The following OR4K1 variants were observed in gnomAD, a reference collection of about 807,000 sequenced individuals.
OR4K1 encodes olfactory receptor family 4 subfamily K member 1.
In OR4K1, 16 loss-of-function variants were observed where a neutral mutation model predicts 14.4. That is an observed-to-expected ratio of 1.11 (90% CI 0.75 to 1.68). The LOEUF (loss-of-function observed/expected upper bound fraction) is 1.68. OR4K1 is among the 40% of genes most tolerant of loss of function. OR4K1 has a pLI of 0.00. For synonymous variants in OR4K1, 181 were observed against 133.1 expected (o/e 1.36, Z -2.48); for missense variants, 548 against 376.9 (o/e 1.45, Z -3.76).
chr14:19,928,841 A>G (rs1178979709), upstream of OR4K1, among the ~76,000 whole-genome samples: 2 of 152,062 alleles, frequency 1.3e-5, no homozygotes, highest in Non-Finnish European at 2.9e-5. Flanking sequence ...CTACTTATTG[A>G]TATTTCTTTA....
intron 1 of OR4K1, among the ~76,000 whole-genome samples, chr14:19,934,788 A>T (rs1882266913): frequency 6.6e-6 from 1 of 152,046 alleles, no homozygotes; most frequent in African/African-American, 2.4e-5. Context: ...CTCCTGCCTC[A>T]GCCTCCCAAG....
chr14:19,920,981 C>T, the OR4K1 span: 11 of 1,614,054 alleles, frequency 6.8e-6, no homozygotes, highest in Admixed American at 3.3e-5. Context: ...GGTATGTAGC[C>T]ATATGCAAAC....
upstream of OR4K1, among the ~76,000 whole-genome samples, chr14:19,929,851 C>T (rs2138588614): frequency 6.6e-6 from 1 of 152,328 alleles, no homozygotes; most frequent in African/African-American, 2.4e-5. Flanking sequence ...AGTCCCTTAA[C>T]TGTCTGTTTG....
At chr14:19,920,937 G>T in the OR4K1 span, 1 of 1,614,174 alleles carries the variant, frequency 6.2e-7, no homozygotes, top group Non-Finnish European at 8.5e-7. Context: ...TACTGGAGGG[G>T]AGATGGTGCT....
the OR4K1 span, among the ~76,000 whole-genome samples, chr14:19,924,399 T>TAAAAAAA: frequency 1.8e-4 from 1 of 5,502 alleles, no homozygotes; most frequent in Non-Finnish European, 3.0e-4. Flanking sequence ...AAACTCCGTA[T>TAAAAAAA]CAAAAAAAAA....
the OR4K1 span, among the ~76,000 whole-genome samples, chr14:19,924,581 T>C: frequency 6.6e-6 from 1 of 152,214 alleles, no homozygotes; most frequent in African/African-American, 2.4e-5. Context: ...ATAGGAATGC[T>C]TTTACACTGT....
At chr14:19,922,783 C>T in the OR4K1 span, among the ~76,000 whole-genome samples, 1 of 152,146 alleles carries the variant, frequency 6.6e-6, no homozygotes, top group African/African-American at 2.4e-5. Context: ...CCTGTGCTGT[C>T]TCCCCTGTGA....
chr14:19,923,714 T>A, the OR4K1 span, among the ~76,000 whole-genome samples: 1 of 152,330 alleles, frequency 6.6e-6, no homozygotes, highest in South Asian at 2.1e-4. Flanking sequence ...AAGGTAGTAA[T>A]GAAGAGTGTA....
the OR4K1 span, chr14:19,920,859 T>C: frequency 5.6e-6 from 9 of 1,614,182 alleles, no homozygotes; most frequent in Non-Finnish European, 7.6e-6. Flanking sequence ...GATTGCAGAT[T>C]TTCTGAGTGC....
At chr14:19,931,674 A>G (rs1882187705) in intron 1 of OR4K1, among the ~76,000 whole-genome samples, 1 of 152,276 alleles carries the variant, frequency 6.6e-6, no homozygotes, top group Non-Finnish European at 1.5e-5. Flanking sequence ...TATAGTAGAT[A>G]TTAATGCAAC....
chr14:19,921,584 A>G, the OR4K1 span: 1 of 1,602,686 alleles, frequency 6.2e-7, no homozygotes, highest in Admixed American at 1.7e-5. Flanking sequence ...ATTAAGACAA[A>G]ACTCCTTCAA....
At chr14:19,923,029 AAT>A in the OR4K1 span, among the ~76,000 whole-genome samples, 100 of 152,332 alleles carry the variant, frequency 6.6e-4, 1 homozygote, top group Non-Finnish European at 1.2e-3. Context: ...TTCTTCTGTA[AAT>A]TAAAACATAT....
intron 1 of OR4K1, among the ~76,000 whole-genome samples, chr14:19,932,659 G>A (rs1483042428): frequency 6.6e-6 from 1 of 152,218 alleles, no homozygotes; most frequent in Non-Finnish European, 1.5e-5. Context: ...TACTGTAGGA[G>A]TCATTACTAC....
At chr14:19,928,553 C>T (rs1451821010), upstream of OR4K1, among the ~76,000 whole-genome samples, 1 of 152,108 alleles carries the variant, frequency 6.6e-6, no homozygotes, top group Admixed American at 6.6e-5. Context: ...TTTTACATTT[C>T]TCTAAATAAT....
chr14:19,921,374 C>A, the OR4K1 span: 1 of 1,614,162 alleles, frequency 6.2e-7, no homozygotes, highest in East Asian at 2.2e-5. Flanking sequence ...CTTGCATCTT[C>A]ATCTATGTGT....
the OR4K1 span, among the ~76,000 whole-genome samples, chr14:19,924,791 T>C: frequency 1.3e-5 from 2 of 152,252 alleles, no homozygotes; most frequent in African/African-American, 2.4e-5. Context: ...CAAATTACTC[T>C]AGTTCCAATA....
the OR4K1 span, among the ~76,000 whole-genome samples, chr14:19,925,223 T>A: frequency 6.6e-6 from 1 of 152,250 alleles, no homozygotes; most frequent in Non-Finnish European, 1.5e-5. Flanking sequence ...GAAAGTGTCT[T>A]GAGTTGGCTG....
At chr14:19,929,890 A>G (rs1036274286), upstream of OR4K1, among the ~76,000 whole-genome samples, 2 of 152,218 alleles carry the variant, frequency 1.3e-5, no homozygotes, top group Admixed American at 6.6e-5. Context: ...AAGATGCTAA[A>G]TTAGGCTTTA....
the OR4K1 span, among the ~76,000 whole-genome samples, chr14:19,925,346 T>C: frequency 1.3e-5 from 2 of 152,124 alleles, no homozygotes; most frequent in Non-Finnish European, 2.9e-5. Context: ...CAGCTATTTC[T>C]CTCAGAATAA....
Sources: gnomAD v4.1 joint callset for allele counts (sites outside exome capture counted in the v4.1 genomes callset) on GRCh38, gnomAD v4.1.1 for gene constraint, MANE v1.5 for transcripts, NCBI Gene and HGNC (gene_info 2026-07-23, HGNC 2026-07-21) for gene names.